The following RTN4 variants were observed in gnomAD, a reference collection of about 807,000 sequenced individuals.
The protein encoded by RTN4 is reticulon-4.
RTN4 carries 32 observed loss-of-function variants against 90.4 expected under a neutral mutation model. The observed-to-expected ratio is 0.35, with a 90% CI of 0.27 to 0.48. The LOEUF is 0.48. Among genes scored for constraint, RTN4 ranks in the 20% least tolerant of loss-of-function variants. The pLI is 0.99. For missense variants in RTN4, 1,706 were observed against 1,430.2 expected, an observed-to-expected ratio of 1.19 and a Z score of -3.11; for synonymous variants, 629 against 552.5, an observed-to-expected ratio of 1.14 and a Z score of -1.94.
At chr2:54,975,558 C>T (rs1321311162) in intron 5 of RTN4, among the ~76,000 whole-genome samples, 1 of 152,132 alleles carries the variant, frequency 6.6e-6, no homozygotes, top group Non-Finnish European at 1.5e-5. Context: ...GGGTTTGTGT[C>T]TCATATTATT....
At chr2:54,978,340 G>C (rs1288566934) in intron 5 of RTN4, among the ~76,000 whole-genome samples, 1 of 145,740 alleles carries the variant, frequency 6.9e-6, no homozygotes. Context: ...TGAAGCAGGA[G>C]AATCACTTGA....
intron 1 of RTN4, among the ~76,000 whole-genome samples, chr2:55,036,041 T>C: frequency 6.6e-6 from 1 of 152,122 alleles, no homozygotes; most frequent in East Asian, 1.9e-4. Context: ...TAATGAATAG[T>C]ACCAACCTTA....
chr2:54,981,773 C>T (rs904529144), intron 5 of RTN4, among the ~76,000 whole-genome samples: 4 of 128,748 alleles, frequency 3.1e-5, no homozygotes, highest in African/African-American at 1.2e-4. Flanking sequence ...TAAATCTTAT[C>T]TAGAATAAGA....
intron 1 of RTN4, among the ~76,000 whole-genome samples, chr2:55,089,792 C>A (rs1668904895): frequency 6.6e-6 from 1 of 152,186 alleles, no homozygotes; most frequent in South Asian, 2.1e-4. Flanking sequence ...GGTCCTTGTG[C>A]CTGGGGAGGA....
chr2:54,999,381 T>C (rs1439191439), intron 3 of RTN4, among the ~76,000 whole-genome samples: 1 of 152,154 alleles, frequency 6.6e-6, no homozygotes, highest in Non-Finnish European at 1.5e-5. Flanking sequence ...AGTCATCCAA[T>C]TACATTTTGC....
chr2:55,068,346 C>A (rs1391799270), intron 2 of RTN4, among the ~76,000 whole-genome samples: 7 of 151,986 alleles, frequency 4.6e-5, no homozygotes, highest in Admixed American at 3.9e-4. Context: ...AGTACATAGA[C>A]TTATTGATAT....
At chr2:55,011,592 A>T (rs1488116005) in intron 3 of RTN4, among the ~76,000 whole-genome samples, 1 of 152,210 alleles carries the variant, frequency 6.6e-6, no homozygotes, top group Non-Finnish European at 1.5e-5. Context: ...AAAATGAAAT[A>T]GAGATAATAT....
chr2:55,086,305 C>A (rs1481437618), intron 1 of RTN4, among the ~76,000 whole-genome samples: 1 of 152,062 alleles, frequency 6.6e-6, no homozygotes, highest in Non-Finnish European at 1.5e-5. Flanking sequence ...TATAAGTTTA[C>A]ACCTCAATAA....
chr2:55,051,291 C>G (rs986096626), upstream of RTN4, among the ~76,000 whole-genome samples: 8 of 152,136 alleles, frequency 5.3e-5, no homozygotes, highest in South Asian at 4.2e-4. Flanking sequence ...AGAGAGGCAG[C>G]GGGGAGACAG....
chr2:55,099,868 TAGGGCTG>T (rs1667822158), intron 1 of RTN4, among the ~76,000 whole-genome samples: 1 of 152,138 alleles, frequency 6.6e-6, no homozygotes, highest in Non-Finnish European at 1.5e-5. Context: ...GCCTGGCACA[TAGGGCTG>T]TGTAAGCATT....
chr2:55,000,054 T>C lies in RTN4; in HGVS notation c.3014-12356A>G, dbSNP rs143475382. On this transcript the variant is annotated intron_variant, in intron 3 of 8. Transcript: ENST00000337526. ...CCCTAAGAAATTATTTGAAGCTGAA[T>C]TGAAATTTCACATATGGAAATGCTT... Among the ~76,000 whole-genome samples, 79 of 152,234 alleles carry C rather than the reference T, an allele frequency of 5.2e-4. 2 individuals carry two copies. In the East Asian group the frequency reaches 0.01, roughly 20 times the overall value.
At chr2:55,003,933 G>A (rs929343551) in intron 3 of RTN4, among the ~76,000 whole-genome samples, 12 of 152,112 alleles carry the variant, frequency 7.9e-5, no homozygotes, top group Non-Finnish European at 1.6e-4. Context: ...TGGAGGGCTG[G>A]AAATAATCTC....
intron 3 of RTN4, among the ~76,000 whole-genome samples, chr2:54,990,932 G>A (rs1373863982): frequency 1.3e-5 from 2 of 151,934 alleles, no homozygotes; most frequent in Non-Finnish European, 2.9e-5. Context: ...GCAGGCGCCC[G>A]CCACCATGCC....
intron 1 of RTN4, among the ~76,000 whole-genome samples, chr2:55,101,657 G>A (rs1667855080): frequency 1.3e-5 from 2 of 152,134 alleles, no homozygotes; most frequent in African/African-American, 4.8e-5. Context: ...AGGTATGCAA[G>A]TACCAGCTAC....
chr2:55,050,339 G>T lies in RTN4; in HGVS notation c.-39C>A. 1 of 1,299,336 alleles carries T rather than the reference G, an allele frequency of 7.7e-7. No individual in the cohort carries two copies. 80.5% of individuals were successfully genotyped at this position (1,299,336 alleles called of 1,614,324 possible). ...AGATGATGCTGCAGCTGCTGCCGCCGCCGCCGGGGCCGCGTCTCAGAGCCG... is the reference window on the plus strand; with the variant it reads ...AGATGATGCTGCAGCTGCTGCCGCCTCCGCCGGGGCCGCGTCTCAGAGCCG... On this transcript the variant is annotated 5_prime_UTR_variant, in exon 1 of 9. Transcript: ENST00000337526. This position sits in a 1 kb window ranked among gnomAD's most constrained non-coding sequence, Gnocchi z 4.6.
intron 3 of RTN4, among the ~76,000 whole-genome samples, chr2:55,020,203 A>T (rs1681324621): frequency 1.3e-5 from 2 of 152,202 alleles, no homozygotes; most frequent in South Asian, 4.1e-4. Flanking sequence ...AGGAAAAAAA[A>T]TCCTAAAATC....
chr2:55,012,985 T>A (rs564153363), intron 3 of RTN4, among the ~76,000 whole-genome samples: 5 of 152,276 alleles, frequency 3.3e-5, no homozygotes, highest in South Asian at 4.1e-4. Flanking sequence ...ACCTAACTTT[T>A]AAAAAAATTA....
In RTN4 at chr2:55,049,972, G is replaced by C. The variant is rs999873466; in HGVS notation, c.329C>G (p.Pro110Arg). 35 of 1,370,250 alleles carry C rather than the reference G, an allele frequency of 2.6e-5. No homozygotes were observed. Among genetic ancestry groups the C allele is most frequent in the Non-Finnish European group, 3.1e-5 (33 of 1,069,844 alleles). The allele number at this position is 1,370,250 out of a possible 1,614,324, so 84.9% of individuals were successfully genotyped here. Reference sequence around the variant, plus strand: ...GGGCACGGTCGACGACACCGGGCTCGGGTCCCAAGACGGCTGCCGCTCCGG... The same window carrying C: ...GGGCACGGTCGACGACACCGGGCTCCGGTCCCAAGACGGCTGCCGCTCCGG... ...VAPERQPSWD[P>R]SPVSSTVPAP... Residue 110 changes from proline (P) to arginine (R), a missense_variant, in exon 1 of 9, where the codon CCG becomes CGG. Pro to Arg is a moderately radical substitution (Grantham distance 103, BLOSUM62 -2). Coordinates refer to ENST00000337526, the MANE Select transcript of RTN4 (RefSeq NM_020532.5).
chr2:54,980,545 T>A (rs546257750), intron 5 of RTN4, among the ~76,000 whole-genome samples: 18 of 152,370 alleles, frequency 1.2e-4, no homozygotes, highest in African/African-American at 4.1e-4. Context: ...TGTAGACATA[T>A]AGCTGCCTTC....
Sources: gnomAD v4.1 joint callset for allele counts (sites outside exome capture counted in the v4.1 genomes callset) on GRCh38, gnomAD v4.1.1 for gene constraint, Gnocchi (gnomAD v3.1) non-coding constraint, MANE v1.5 for transcripts, NCBI Gene and HGNC (gene_info 2026-07-23, HGNC 2026-07-21) for gene names.